PTPRN2: variants seen among roughly 807,000 people sequenced by gnomAD.
The protein encoded by PTPRN2 is receptor-type tyrosine-protein phosphatase N2.
In PTPRN2, 74 loss-of-function variants were observed where a neutral mutation model predicts 118.8. The ratio of observed to expected loss-of-function variants is 0.62; its 90% CI spans 0.52 to 0.76. The LOEUF (loss-of-function observed/expected upper bound fraction) is 0.76. Ranked by LOEUF, PTPRN2 falls within the 30% of genes least tolerant of loss-of-function variation. PTPRN2 has a pLI of 0.00. For missense variants in PTPRN2, 1,481 were observed against 1,394.4 expected (o/e 1.06, Z -0.99); for synonymous variants, 641 against 608.0 (o/e 1.05, Z -0.80).
At chr7:157,633,369 C>T (rs560626627) in intron 14 of PTPRN2, among the ~76,000 whole-genome samples, 2 of 152,336 alleles carry the variant, frequency 1.3e-5, no homozygotes, top group South Asian at 4.1e-4. Context: ...GCTCAAACTC[C>T]TGACCTCGGG....
At chr7:157,649,122 T>C (rs1268970545) in intron 14 of PTPRN2, among the ~76,000 whole-genome samples, 5 of 106,570 alleles carry the variant, frequency 4.7e-5, no homozygotes, top group Admixed American at 9.6e-5. Flanking sequence ...ACCCATTCAC[T>C]GTGCACTGAA....
chr7:158,184,085 T>C (rs1824942342), intron 5 of PTPRN2, among the ~76,000 whole-genome samples: 1 of 152,114 alleles, frequency 6.6e-6, no homozygotes, highest in South Asian at 2.1e-4. Flanking sequence ...TTTCAATCTT[T>C]TGTGTGTCTT....
At chr7:157,909,719 C>A (rs1797976355) in intron 11 of PTPRN2, among the ~76,000 whole-genome samples, 1 of 152,254 alleles carries the variant, frequency 6.6e-6, no homozygotes, top group Admixed American at 6.5e-5. Context: ...TGTCTGTGCC[C>A]TCATCCAGCT....
At chr7:158,409,287 G>C (rs1437438120) in intron 2 of PTPRN2, among the ~76,000 whole-genome samples, 1 of 152,214 alleles carries the variant, frequency 6.6e-6, no homozygotes, top group Non-Finnish European at 1.5e-5. Context: ...CCTGTGTTCA[G>C]GGCTGGCCCT....
chr7:157,910,262 C>T (rs1443654213), intron 11 of PTPRN2, among the ~76,000 whole-genome samples: 1 of 144,770 alleles, frequency 6.9e-6, no homozygotes, highest in Non-Finnish European at 1.5e-5. Context: ...ACCGTGGGAA[C>T]GGGTGCAGGA....
At chr7:158,331,260 C>A (rs1804372807) in intron 2 of PTPRN2, among the ~76,000 whole-genome samples, 1 of 149,580 alleles carries the variant, frequency 6.7e-6, no homozygotes, top group Admixed American at 6.7e-5. Context: ...CCCACACTCT[C>A]ACCATAAGAG....
At chr7:157,754,924 G>T (rs367579062) in intron 12 of PTPRN2, among the ~76,000 whole-genome samples, 1 of 152,158 alleles carries the variant, frequency 6.6e-6, no homozygotes, top group Non-Finnish European at 1.5e-5. Context: ...TCACTCTGTC[G>T]CCCAGGCTGG....
intron 11 of PTPRN2, among the ~76,000 whole-genome samples, chr7:157,995,742 G>C (rs4716527): frequency 0.67 from 102,713 of 152,218 alleles, 35,008 homozygotes; most frequent in East Asian, 0.88. Context: ...GAGGATCCAC[G>C]TGTGCATGTG....
In PTPRN2 at chr7:157,787,388, A is replaced by T. The variant is rs578244599; in HGVS notation, c.1789-104451T>A. Among the ~76,000 whole-genome samples the T allele has an allele frequency of 9.1e-4, 138 of 152,196 alleles. 1 individual carries two copies. Among genetic ancestry groups the T allele is most frequent in the Non-Finnish European group, 1.4e-3 (98 of 67,986 alleles). On this transcript the variant is annotated intron_variant, in intron 12 of 22. Transcript: ENST00000389418. The surrounding 1 kb of genome is among the most constrained non-coding windows in gnomAD (Gnocchi z 5.3). ...TGGCCTCTGCTGGGAGTGACATCTG[A>T]AGATGCCATAGAAAGTCTGGCGCAG...
intron 2 of PTPRN2, among the ~76,000 whole-genome samples, chr7:158,414,797 G>A (rs553078836): frequency 9.2e-5 from 14 of 152,350 alleles, no homozygotes; most frequent in African/African-American, 1.9e-4. Context: ...TGAAGCTTCC[G>A]GAGCATCTCC....
chr7:158,014,239 C>T (rs554824535), intron 11 of PTPRN2, among the ~76,000 whole-genome samples: 4 of 150,258 alleles, frequency 2.7e-5, no homozygotes, highest in Admixed American at 6.6e-5. Context: ...CACCCATTCA[C>T]CTGTCCATCC....
intron 14 of PTPRN2, among the ~76,000 whole-genome samples, chr7:157,625,730 AT>A (rs1230720017): frequency 6.6e-6 from 1 of 152,236 alleles, no homozygotes; most frequent in African/African-American, 2.4e-5. Context: ...ATGGAAAAAA[AT>A]CATAAAAAAG....
chr7:158,171,439 C>A (rs1823698363), intron 5 of PTPRN2, among the ~76,000 whole-genome samples: 1 of 150,660 alleles, frequency 6.6e-6, no homozygotes, highest in African/African-American at 2.4e-5. Flanking sequence ...ACCTCCACCT[C>A]CTGGGTTCAA....
Position 157,604,807 on chromosome 7 carries a change from C to T in PTPRN2, c.2345-732G>A, listed in dbSNP as rs549996561. Among the ~76,000 whole-genome samples the T allele has an allele frequency of 6.6e-4, 100 of 152,284 alleles. 1 individual carries two copies. The South Asian group carries it at 0.02, about 31-fold the overall frequency. ...GCGGGGGGACAGTAGGCACTTGTGA[C>T]GTGTGTGATATGAGAGCTGTCTTGG... On this transcript the variant is annotated intron_variant, in intron 15 of 22. Coordinates refer to ENST00000389418, the MANE Select transcript of PTPRN2 (RefSeq NM_002847.5).
intron 1 of PTPRN2, among the ~76,000 whole-genome samples, chr7:158,583,308 C>T (rs746497930): frequency 9.2e-5 from 14 of 152,132 alleles, no homozygotes; most frequent in Non-Finnish European, 1.6e-4. Flanking sequence ...ACCTTTGTCC[C>T]GTGTACCCTG....
chr7:157,857,735 G>A (rs1257609913), intron 12 of PTPRN2: 2 of 152,336 alleles, frequency 1.3e-5, no homozygotes, highest in Admixed American at 1.3e-4. Context: ...GTCCATAACT[G>A]GTCATCCTCC....
intron 11 of PTPRN2, among the ~76,000 whole-genome samples, chr7:157,934,572 T>C (rs1799588150): frequency 6.6e-6 from 1 of 152,254 alleles, no homozygotes; most frequent in Admixed American, 6.5e-5. Context: ...CTTCAATTTT[T>C]ACTTGTTTAA....
chr7:158,134,623 C>T lies in PTPRN2; in HGVS notation c.1174-564G>A, dbSNP rs186633297. On this transcript the variant is annotated intron_variant, in intron 8 of 22. Transcript: ENST00000389418. The stretch of plus-strand genomic sequence containing the variant: ...ACGGAGGCACAAAGCGATTAACCCA[C>T]AAGTGGGCACATCACAGGGATGTGT... Among the ~76,000 whole-genome samples, 208 of 152,234 alleles carry T rather than the reference C, an allele frequency of 1.4e-3. 1 individual carries two copies. The highest frequency in any genetic ancestry group is 4.3e-3 in the African/African-American group (177 of 41,548).
At chr7:157,711,639 C>T (rs927056525) in intron 12 of PTPRN2, among the ~76,000 whole-genome samples, 1 of 152,276 alleles carries the variant, frequency 6.6e-6, no homozygotes, top group Non-Finnish European at 1.5e-5. Flanking sequence ...TCTGGCCTTG[C>T]AGGCAGCTGT....
Sources: gnomAD v4.1 joint callset for allele counts (sites outside exome capture counted in the v4.1 genomes callset) on GRCh38, gnomAD v4.1.1 for gene constraint, Gnocchi (gnomAD v3.1) non-coding constraint, MANE v1.5 for transcripts, NCBI Gene and HGNC (gene_info 2026-07-23, HGNC 2026-07-21) for gene names.